The following RNF185 variants were observed in gnomAD, a reference collection of about 807,000 sequenced individuals.
RNF185 encodes the protein E3 ubiquitin-protein ligase RNF185.
RNF185 carries 13 observed loss-of-function variants against 24.9 expected under a neutral mutation model. The ratio of observed to expected loss-of-function variants is 0.52; its 90% CI spans 0.34 to 0.83. RNF185 has a LOEUF of 0.83. Ranked by LOEUF, RNF185 falls within the 40% of genes least tolerant of loss-of-function variation. The pLI, the probability that RNF185 is intolerant of heterozygous loss-of-function variation, is 0.01. For missense variants in RNF185, 184 were observed against 244.7 expected (o/e 0.75, Z 1.65); for synonymous variants, 79 against 90.3 (o/e 0.88, Z 0.71).
chr22:31,171,156 C>CTTATTTATTTATTTATTTATTTATTTAT (rs55965706), intron 1 of RNF185, among the ~76,000 whole-genome samples: 2 of 143,150 alleles, frequency 1.4e-5, no homozygotes, highest in African/African-American at 5.2e-5. Flanking sequence ...CTCTGATTTA[C>CTTATTTATTTATTTATTTATTTATTTAT]TTATTTATTT....
At chr22:31,184,998 AAAG>A (rs2048084968) in intron 1 of RNF185, among the ~76,000 whole-genome samples, 2 of 151,744 alleles carry the variant, frequency 1.3e-5, no homozygotes, top group South Asian at 4.2e-4. Flanking sequence ...TTTTTTTTAA[AAAG>A]AAACACACAT....
chr22:31,183,438 G>T (rs1229016628), intron 1 of RNF185, among the ~76,000 whole-genome samples: 1 of 151,698 alleles, frequency 6.6e-6, no homozygotes, highest in Non-Finnish European at 1.5e-5. Context: ...CGGAGAGGGG[G>T]ATTTGGCAGG....
intron 5 of RNF185, among the ~76,000 whole-genome samples, chr22:31,200,859 T>C (rs781396767): frequency 2.0e-5 from 3 of 152,242 alleles, no homozygotes; most frequent in Non-Finnish European, 2.9e-5. Flanking sequence ...TGTAACAGTA[T>C]TAAAAGAAAT....
intron 1 of RNF185, among the ~76,000 whole-genome samples, chr22:31,180,035 A>G (rs1174610956): frequency 6.9e-6 from 1 of 144,204 alleles, no homozygotes; most frequent in African/African-American, 2.5e-5. Context: ...ACAGTCAGTG[A>G]TGGAACCAGG....
chr22:31,187,799 T>C (rs1347600489), intron 2 of RNF185, among the ~76,000 whole-genome samples: 1 of 152,182 alleles, frequency 6.6e-6, no homozygotes, highest in East Asian at 1.9e-4. Flanking sequence ...TGTTTATATA[T>C]AGATAGATAC....
intron 6 of RNF185, among the ~76,000 whole-genome samples, chr22:31,201,902 A>G (rs1451684028): frequency 6.6e-6 from 1 of 152,230 alleles, no homozygotes; most frequent in Non-Finnish European, 1.5e-5. Context: ...TTAACAGATC[A>G]GAAAATGCTC....
intron 4 of RNF185, 142 bp from the exon 5 acceptor site, chr22:31,196,794 G>A: frequency 9.4e-7 from 1 of 1,068,166 alleles, no homozygotes; most frequent in Non-Finnish European, 1.3e-6. Context: ...TTCGTATTTG[G>A]AGAATTAATC....
intron 1 of RNF185, among the ~76,000 whole-genome samples, chr22:31,174,078 C>T (rs554637222): frequency 1.3e-5 from 2 of 152,314 alleles, no homozygotes; most frequent in South Asian, 2.1e-4. Context: ...AACTATGTGC[C>T]AGGCACTATG....
chr22:31,165,029 G>A (rs1297227973), intron 1 of RNF185, among the ~76,000 whole-genome samples: 1 of 151,836 alleles, frequency 6.6e-6, no homozygotes, highest in African/African-American at 2.4e-5. Context: ...TCCTACCTCA[G>A]CCTCCCGAGG....
chr22:31,202,639 G>A (rs1464630929), intron 6 of RNF185, among the ~76,000 whole-genome samples: 1 of 121,942 alleles, frequency 8.2e-6, no homozygotes, highest in East Asian at 2.7e-4. Context: ...TTGAGATGGA[G>A]TCTCGCTCTG....
intron 1 of RNF185, among the ~76,000 whole-genome samples, chr22:31,182,776 A>T (rs1458352271): frequency 1.3e-5 from 2 of 151,862 alleles, no homozygotes; most frequent in Non-Finnish European, 2.9e-5. Context: ...CATGCTATTT[A>T]TTTTTTGTAG....
chr22:31,167,763 A>G (rs774852848), intron 1 of RNF185, among the ~76,000 whole-genome samples: 19 of 151,926 alleles, frequency 1.3e-4, no homozygotes, highest in Non-Finnish European at 2.2e-4. Flanking sequence ...ACAGGCGCTC[A>G]CCACCACACC....
intron 1 of RNF185, among the ~76,000 whole-genome samples, chr22:31,164,103 T>C (rs1923760060): frequency 6.6e-6 from 1 of 152,058 alleles, no homozygotes; most frequent in South Asian, 2.1e-4. Context: ...TGCCCCAGCC[T>C]CCCAAGTAGC....
chr22:31,170,191 T>G (rs1985531), intron 1 of RNF185, among the ~76,000 whole-genome samples: 113,706 of 151,752 alleles, frequency 0.75, 43,465 homozygotes, highest in African/African-American at 0.9. Flanking sequence ...TGTTTTTTTT[T>G]TTTGTTTGTT....
intron 1 of RNF185, among the ~76,000 whole-genome samples, chr22:31,163,011 G>A (rs1158459589): frequency 6.6e-6 from 1 of 152,128 alleles, no homozygotes; most frequent in South Asian, 2.1e-4. Context: ...TGATCTGCCC[G>A]CCTCAGCCTC....
At chr22:31,177,744 A>T (rs1465701292) in intron 1 of RNF185, among the ~76,000 whole-genome samples, 2 of 152,192 alleles carry the variant, frequency 1.3e-5, no homozygotes, top group East Asian at 3.9e-4. Context: ...TATCACCCAA[A>T]TTCATAGTCT....
intron 1 of RNF185, among the ~76,000 whole-genome samples, chr22:31,184,651 C>T (rs571616565): frequency 1.2e-4 from 18 of 152,312 alleles, no homozygotes; most frequent in African/African-American, 4.3e-4. Context: ...AGCGAGACTC[C>T]GTCTGCAATC....
intron 1 of RNF185, among the ~76,000 whole-genome samples, chr22:31,167,091 TTAAA>T (rs1416800865): frequency 2.6e-5 from 4 of 152,234 alleles, no homozygotes; most frequent in African/African-American, 9.6e-5. Context: ...GTTTTGATTT[TTAAA>T]TAAGGAGCAT....
intron 1 of RNF185, among the ~76,000 whole-genome samples, chr22:31,171,835 G>A (rs540384151): frequency 2.6e-5 from 4 of 151,988 alleles, no homozygotes; most frequent in Non-Finnish European, 5.9e-5. Flanking sequence ...AGGTGTGGTG[G>A]TGCATGCCTG....
Sources: gnomAD v4.1 joint callset for allele counts (sites outside exome capture counted in the v4.1 genomes callset) on GRCh38, gnomAD v4.1.1 for gene constraint, MANE v1.5 for transcripts, NCBI Gene and HGNC (gene_info 2026-07-23, HGNC 2026-07-21) for gene names.